Variants in NHSL1 observed in about 807,000 individuals in gnomAD.
NHSL1 encodes the protein NHS like 1.
A neutral mutation model predicts 95.0 loss-of-function variants in NHSL1; 48 were observed. The ratio of observed to expected loss-of-function variants is 0.51; its 90% CI spans 0.40 to 0.64. NHSL1 has a LOEUF of 0.64. Among genes scored for constraint, NHSL1 ranks in the 30% least tolerant of loss-of-function variants. The pLI, the probability that NHSL1 is intolerant of heterozygous loss-of-function variation, is 0.00. For synonymous variants in NHSL1, 783 were observed against 833.9 expected (o/e 0.94, Z 1.05); for missense variants, 1,971 against 2,077.7 (o/e 0.95, Z 1.00).
At chr6:138,474,196 A>C (rs1232808343) in intron 2 of NHSL1, among the ~76,000 whole-genome samples, 1 of 152,232 alleles carries the variant, frequency 6.6e-6, no homozygotes, top group Non-Finnish European at 1.5e-5. Flanking sequence ...GGCTCTTTAA[A>C]GCACCAAGAT....
intron 1 of NHSL1, among the ~76,000 whole-genome samples, chr6:138,617,903 A>C (rs1245211074): frequency 6.6e-6 from 1 of 152,204 alleles, no homozygotes; most frequent in Non-Finnish European, 1.5e-5. Flanking sequence ...CTTGATTCTC[A>C]CATCTGCAGC....
chr6:138,642,746 CA>C (rs1784973526), intron 1 of NHSL1, among the ~76,000 whole-genome samples: 1 of 151,998 alleles, frequency 6.6e-6, no homozygotes, highest in East Asian at 1.9e-4. Context: ...AGAGGGCGAG[CA>C]GCAGAGGGAG....
chr6:138,456,258 C>T (rs562870012), intron 3 of NHSL1, among the ~76,000 whole-genome samples: 2 of 152,270 alleles, frequency 1.3e-5, no homozygotes, highest in South Asian at 2.1e-4. Flanking sequence ...ACCTCACAGA[C>T]GAAAGCAACT....
intron 1 of NHSL1, among the ~76,000 whole-genome samples, chr6:138,686,365 G>T (rs796719787): frequency 1.3e-5 from 2 of 151,882 alleles, no homozygotes; most frequent in African/African-American, 2.4e-5. Context: ...TATTAAAAAT[G>T]TAAAAATTAG....
chr6:138,552,231 C>T (rs542861535), intron 1 of NHSL1, among the ~76,000 whole-genome samples: 5 of 152,200 alleles, frequency 3.3e-5, no homozygotes, highest in South Asian at 2.1e-4. Flanking sequence ...CAATCCTGGC[C>T]AACATGGTGA....
intron 1 of NHSL1, among the ~76,000 whole-genome samples, chr6:138,611,710 C>T (rs1784515381): frequency 6.6e-6 from 1 of 151,964 alleles, no homozygotes; most frequent in South Asian, 2.1e-4. Flanking sequence ...CACGCCACTG[C>T]ACTCCAGCCT....
chr6:138,433,076 C>G lies in NHSL1; in HGVS notation c.1269G>C (p.Glu423Asp), dbSNP rs969652623. 1 of 1,551,224 alleles carries G rather than the reference C, an allele frequency of 6.4e-7. No individual in the cohort carries two copies. Among genetic ancestry groups the G allele is most frequent in the Admixed American group, 2.0e-5 (1 of 51,000 alleles). Residue 423 changes from glutamate (E) to aspartate (D), a missense_variant, in exon 6 of 8, where the codon GAG becomes GAC. Physicochemically the swap from Glu to Asp is conservative, Grantham distance 45. This residue lies in a region of NHSL1 where 1,602 missense variants were observed against 1,654.5 expected (regional missense o/e 0.97). Coordinates refer to ENST00000343505, the MANE Select transcript of NHSL1 (RefSeq NM_001144060.2). The stretch of plus-strand genomic sequence containing the variant: ...TCTGAGCAGTGGGAATAGCGATGAC[C>G]TCGGAAGAGGAAGACAGTGTGGCAT... ...IPNATLSSSS[E>D]VIAIPTAQSA...
chr6:138,639,421 G>A (rs1467306829), intron 1 of NHSL1, among the ~76,000 whole-genome samples: 17 of 151,834 alleles, frequency 1.1e-4, no homozygotes, highest in African/African-American at 3.4e-4. Flanking sequence ...GGTGGATCAC[G>A]AGGTCAGGAG....
intron 1 of NHSL1, among the ~76,000 whole-genome samples, chr6:138,673,940 A>G (rs1373868280): frequency 1.3e-5 from 2 of 152,256 alleles, no homozygotes; most frequent in African/African-American, 4.8e-5. Context: ...GTTAAAACAC[A>G]CATACACACC....
chr6:138,464,334 A>G, intron 3 of NHSL1: 1 of 572,954 alleles, frequency 1.7e-6, no homozygotes, highest in Non-Finnish European at 3.2e-6. Flanking sequence ...CTGGAGCTCC[A>G]CGGCCTGGAG....
chr6:138,526,565 C>G (rs1483509553), intron 1 of NHSL1, among the ~76,000 whole-genome samples: 1 of 152,192 alleles, frequency 6.6e-6, no homozygotes, highest in East Asian at 1.9e-4. Flanking sequence ...TCCCTGCCCT[C>G]TCTACTTTTA....
Position 138,488,221 on chromosome 6 carries a change from TGAGCC to T in NHSL1, c.211+7993_211+7997del, listed in dbSNP as rs758174160. Among the ~76,000 whole-genome samples the T allele has an allele frequency of 3.3e-5, 5 of 150,810 alleles. No homozygotes were observed. The Middle Eastern group carries it at 0.014, about 416-fold the overall frequency. ...TGAACCTAGGAGGCGGAGGTTGCAG[TGAGCC>T]GAGATCACACCACTGCACTCCAGCC... On this transcript the variant is annotated intron_variant, in intron 2 of 7. Transcript: ENST00000343505.
intron 2 of NHSL1, among the ~76,000 whole-genome samples, chr6:138,490,500 C>T (rs1036512691): frequency 6.6e-5 from 10 of 152,206 alleles, no homozygotes; most frequent in Non-Finnish European, 1.5e-4. Context: ...TACTTGTCTA[C>T]ACCAAAAGGG....
chr6:138,551,571 C>A (rs1397863859), intron 1 of NHSL1, among the ~76,000 whole-genome samples: 1 of 152,212 alleles, frequency 6.6e-6, no homozygotes, highest in Admixed American at 6.5e-5. Context: ...TACTATTCTA[C>A]AATACTTCTA....
At chr6:138,461,644 G>C (rs963372782) in intron 3 of NHSL1, among the ~76,000 whole-genome samples, 1 of 152,128 alleles carries the variant, frequency 6.6e-6, no homozygotes, top group African/African-American at 2.4e-5. Flanking sequence ...TGTGCGCTGG[G>C]GATAAAAGTT....
At chr6:138,627,676 G>A (rs907409009) in intron 1 of NHSL1, among the ~76,000 whole-genome samples, 1 of 152,226 alleles carries the variant, frequency 6.6e-6, no homozygotes, top group East Asian at 1.9e-4. Flanking sequence ...GAGGTCAGGA[G>A]TTTGAGACCA....
In NHSL1 at chr6:138,621,484, T is replaced by TTC. The variant is rs1554256867; in HGVS notation, c.96+70991_96+70992insGA. Reference sequence around the variant, plus strand: ...GAAAGTATCATTGATTTTTTTTTTTTCCCCCCAAGATGTAGCCTTGCTCTG... The same window carrying TTC: ...GAAAGTATCATTGATTTTTTTTTTTTTCCCCCCCAAGATGTAGCCTTGCTCTG... On this transcript the variant is annotated intron_variant, in intron 1 of 3. Transcript: ENST00000491526. 2.1e-3 allele frequency among the ~76,000 whole-genome samples: 309 copies of TTC among 148,716 alleles called. 1 individual carries two copies. The highest frequency in any genetic ancestry group is 7.3e-3 in the African/African-American group (292 of 39,882).
In NHSL1 at chr6:138,656,825, A is replaced by G. The variant is rs985374368; in HGVS notation, c.96+35651T>C. Among the ~76,000 whole-genome samples the G allele has an allele frequency of 2.6e-5, 4 of 152,198 alleles. No individual in the cohort carries two copies. In the East Asian group the frequency reaches 7.7e-4, roughly 29 times the overall value. ...CAGCTTCAAAAGAAGCTGCCAAAAAAGGGAAGCCTAAGTATATCCAAGCCT... is the reference window on the plus strand; with the variant it reads ...CAGCTTCAAAAGAAGCTGCCAAAAAGGGGAAGCCTAAGTATATCCAAGCCT... On this transcript the variant is annotated intron_variant, in intron 1 of 3. Transcript: ENST00000491526.
At chr6:138,525,670 A>C in intron 1 of NHSL1, among the ~76,000 whole-genome samples, 1 of 152,158 alleles carries the variant, frequency 6.6e-6, no homozygotes. Flanking sequence ...CCAAATAAAA[A>C]ACAAAATAAA....
Sources: allele counts gnomAD v4.1 joint callset (sites outside exome capture counted in the v4.1 genomes callset), GRCh38; gene constraint gnomAD v4.1.1; regional missense constraint gnomAD v4.1.1; transcripts MANE v1.5; gene names NCBI Gene and HGNC (gene_info 2026-07-23, HGNC 2026-07-21).